Variants in ADGRB3 observed in about 807,000 individuals in gnomAD.
ADGRB3 encodes the protein brain-specific angiogenesis inhibitor 3.
ADGRB3 carries 37 observed loss-of-function variants against 193.4 expected under a neutral mutation model. The observed-to-expected ratio is 0.19, with a 90% confidence interval of 0.15 to 0.25. The LOEUF is 0.25. Among genes scored for constraint, ADGRB3 ranks in the 10% least tolerant of loss-of-function variants. The probability of loss-of-function intolerance (pLI) is 1.00; values close to 1 mark genes in which losing one functional copy is unlikely to be tolerated. For synonymous variants in ADGRB3, 690 were observed against 644.2 expected, an observed-to-expected ratio of 1.07 and a Z score of -1.08; for missense variants, 1,637 against 1,852.9, an observed-to-expected ratio of 0.88 and a Z score of 2.14.
chr6:68,982,555 A>G (rs1328435568), intron 10 of ADGRB3, among the ~76,000 whole-genome samples: 1 of 152,174 alleles, frequency 6.6e-6, no homozygotes, highest in Admixed American at 6.5e-5. Flanking sequence ...CTTTCTGCCC[A>G]AGCAACTTCA....
At chr6:69,156,330 G>A (rs314207) in intron 17 of ADGRB3, among the ~76,000 whole-genome samples, 15,728 of 152,110 alleles carry the variant, frequency 0.1, 940 homozygotes, top group Non-Finnish European at 0.11. Flanking sequence ...AGACAGCATG[G>A]TTAGGAAAAC....
chr6:68,718,477 C>T (rs1000776814), intron 3 of ADGRB3, among the ~76,000 whole-genome samples: 2 of 151,798 alleles, frequency 1.3e-5, no homozygotes, highest in Non-Finnish European at 2.9e-5. Context: ...GTCAGCTCCA[C>T]TTAGAGTGAT....
At chr6:68,917,136 T>G (rs1766904450) in intron 3 of ADGRB3, among the ~76,000 whole-genome samples, 1 of 152,164 alleles carries the variant, frequency 6.6e-6, no homozygotes, top group African/African-American at 2.4e-5. Context: ...GGAAAAGCTT[T>G]GGATAGGGAT....
chr6:68,768,565 C>G (rs781421347), intron 3 of ADGRB3, among the ~76,000 whole-genome samples: 1 of 151,910 alleles, frequency 6.6e-6, no homozygotes, highest in Admixed American at 6.6e-5. Flanking sequence ...GATGTAAATG[C>G]AAGACCTAAA....
chr6:69,025,565 G>A (rs1034146529), intron 13 of ADGRB3, among the ~76,000 whole-genome samples: 2 of 147,810 alleles, frequency 1.4e-5, no homozygotes, highest in Non-Finnish European at 1.5e-5. Context: ...GGCACCTGAC[G>A]TCAGTTCAGT....
intron 17 of ADGRB3, among the ~76,000 whole-genome samples, chr6:69,165,217 T>A (rs1775100269): frequency 6.6e-6 from 1 of 151,938 alleles, no homozygotes; most frequent in Non-Finnish European, 1.5e-5. Flanking sequence ...TCGAACATTC[T>A]CCCCCACTTA....
At chr6:69,004,304 C>CT (rs1769674885) in intron 11 of ADGRB3, among the ~76,000 whole-genome samples, 2 of 152,120 alleles carry the variant, frequency 1.3e-5, no homozygotes, top group African/African-American at 4.8e-5. Flanking sequence ...CTCTCTTTGG[C>CT]TTGTAGATGG....
chr6:69,109,540 A>G (rs1039205830), intron 17 of ADGRB3, among the ~76,000 whole-genome samples: 2 of 152,210 alleles, frequency 1.3e-5, no homozygotes, highest in Non-Finnish European at 2.9e-5. Flanking sequence ...ATTTAACTCA[A>G]ATTATGAGGT....
At chr6:69,181,943 C>T (rs1387534026) in intron 17 of ADGRB3, among the ~76,000 whole-genome samples, 1 of 152,074 alleles carries the variant, frequency 6.6e-6, no homozygotes, top group African/African-American at 2.4e-5. Context: ...AAAGAAGATA[C>T]TCAATAAACA....
At chr6:69,339,648 T>A in intron 26 of ADGRB3, 144 bp downstream of exon 26, 1 of 1,047,152 alleles carries the variant, frequency 9.5e-7, no homozygotes, top group Non-Finnish European at 1.4e-6. Flanking sequence ...GCTGAAGGAA[T>A]GCTTTAAGAC....
intron 6 of ADGRB3, among the ~76,000 whole-genome samples, chr6:68,954,903 G>A (rs780850454): frequency 4.6e-5 from 7 of 151,924 alleles, no homozygotes; most frequent in African/African-American, 9.7e-5. Context: ...GAATGGTCTC[G>A]ATCTCCTGAC....
intron 17 of ADGRB3, among the ~76,000 whole-genome samples, chr6:69,221,225 C>T (rs1765886893): frequency 6.6e-6 from 1 of 152,074 alleles, no homozygotes; most frequent in Non-Finnish European, 1.5e-5. Flanking sequence ...TTTATCTACC[C>T]ATACGTTCAT....
At chr6:68,639,497 C>G in intron 3 of ADGRB3, 65 bp downstream of exon 3, 1 of 1,456,738 alleles carries the variant, frequency 6.9e-7, no homozygotes, top group Non-Finnish European at 9.1e-7. Flanking sequence ...TTAAAACGTG[C>G]TGTTTCAACA....
At chr6:69,187,226 C>T (rs962287316) in intron 17 of ADGRB3, among the ~76,000 whole-genome samples, 2 of 152,000 alleles carry the variant, frequency 1.3e-5, no homozygotes, top group Admixed American at 6.6e-5. Context: ...CCTTTAAAAA[C>T]GTTTTTAACG....
chr6:69,004,486 C>T (rs56224222), intron 11 of ADGRB3, among the ~76,000 whole-genome samples: 2,508 of 151,626 alleles, frequency 0.017, 77 homozygotes, highest in African/African-American at 0.057. Context: ...CGTATGTATA[C>T]ATGTGCCATG....
At chr6:69,168,943 A>T (rs991498229) in intron 17 of ADGRB3, among the ~76,000 whole-genome samples, 4 of 151,992 alleles carry the variant, frequency 2.6e-5, no homozygotes, top group African/African-American at 9.7e-5. Flanking sequence ...ACTTATTTTT[A>T]TTTTTTTATT....
In ADGRB3 at chr6:69,320,256, T is replaced by C. The variant is rs956113362; in HGVS notation, c.2815-4616T>C. 5.3e-5 allele frequency among the ~76,000 whole-genome samples: 8 copies of C among 151,492 alleles called. 1 individual carries two copies. The highest frequency in any genetic ancestry group is 1.9e-4 in the African/African-American group (8 of 41,400). On this transcript the variant is annotated intron_variant, in intron 20 of 31. Transcript: ENST00000370598. ...CCCTTCCTGATATTATTTTCAATTT[T>C]ATATCTTCATGGCTATATTTTTAAA...
intron 3 of ADGRB3, among the ~76,000 whole-genome samples, chr6:68,831,303 TAAAAAAAA>T (rs60991980): frequency 8.1e-6 from 1 of 123,750 alleles, no homozygotes; most frequent in Admixed American, 8.4e-5. Flanking sequence ...TGGAGAAGAT[TAAAAAAAA>T]AAAAAAAAAA....
chr6:68,917,178 A>G (rs1766905567), intron 3 of ADGRB3, among the ~76,000 whole-genome samples: 2 of 152,172 alleles, frequency 1.3e-5, no homozygotes, highest in Admixed American at 6.5e-5. Flanking sequence ...CAGGACATGG[A>G]GTTGGGAGAA....
Sources: gnomAD v4.1 joint callset for allele counts (sites outside exome capture counted in the v4.1 genomes callset) on GRCh38, gnomAD v4.1.1 for gene constraint, MANE v1.5 for transcripts, NCBI Gene and HGNC (gene_info 2026-07-23, HGNC 2026-07-21) for gene names.